The following PRKCA variants were observed in gnomAD, a reference collection of about 807,000 sequenced individuals.
The protein encoded by PRKCA is protein kinase C alpha, also known as protein kinase C alpha type.
PRKCA carries 27 observed loss-of-function variants against 87.0 expected under a neutral mutation model. The ratio of observed to expected loss-of-function variants is 0.31; its 90% confidence interval spans 0.23 to 0.43. The LOEUF is 0.43. Ranked by LOEUF, PRKCA falls within the 20% of genes least tolerant of loss-of-function variation. The probability of loss-of-function intolerance (pLI) is 1.00; values close to 1 mark genes in which losing one functional copy is unlikely to be tolerated. For missense variants in PRKCA, 518 were observed against 852.3 expected (o/e 0.61, Z 4.88); for synonymous variants, 329 against 311.1 (o/e 1.06, Z -0.61).
intron 2 of PRKCA, among the ~76,000 whole-genome samples, chr17:66,396,346 A>T (rs191676053): frequency 6.6e-6 from 1 of 152,206 alleles, no homozygotes; most frequent in East Asian, 1.9e-4. Context: ...CACTAGGCAA[A>T]ATTTTTCTAA....
At chr17:66,465,124 C>A (rs1216733165) in intron 2 of PRKCA, among the ~76,000 whole-genome samples, 1 of 152,136 alleles carries the variant, frequency 6.6e-6, no homozygotes, top group Admixed American at 6.5e-5. Context: ...GACTAGGAAA[C>A]TCTTTGACTA....
chr17:66,435,905 A>C (rs1200855862), intron 2 of PRKCA, among the ~76,000 whole-genome samples: 1 of 152,168 alleles, frequency 6.6e-6, no homozygotes, highest in Non-Finnish European at 1.5e-5. Flanking sequence ...TGAAGGACCC[A>C]TGCTCTGTTG....
At chr17:66,715,210 G>C (rs1252357903) in intron 8 of PRKCA, among the ~76,000 whole-genome samples, 2 of 151,870 alleles carry the variant, frequency 1.3e-5, no homozygotes, top group African/African-American at 4.8e-5. Flanking sequence ...TGGAGGGAAG[G>C]CTCTGGAACC....
At chr17:66,785,658 T>C (rs1975366017) in intron 14 of PRKCA, among the ~76,000 whole-genome samples, 1 of 152,192 alleles carries the variant, frequency 6.6e-6, no homozygotes, top group African/African-American at 2.4e-5. Flanking sequence ...TCAAAGGGCA[T>C]TGTGAGCTCA....
At position 66,810,034 on chromosome 17, in the gene PRKCA, G is replaced by C. The variant is rs1976130287; in HGVS notation, c.*5997G>C. 1 of 152,254 alleles carries C rather than the reference G, an allele frequency of 6.6e-6. No individual in the cohort carries two copies. 9.4% of individuals were successfully genotyped at this position (152,254 alleles called of 1,614,324 possible). On this transcript the variant is annotated 3_prime_UTR_variant, in exon 17 of 17. Coordinates refer to ENST00000413366, the MANE Select transcript of PRKCA (RefSeq NM_002737.3). ...AGAGGCAGCAGCAAACGTGCCTATT[G>C]ACGTCTGTTTCATAGTTACCACTTA...
chr17:66,431,936 C>T (rs1351172905), intron 2 of PRKCA, among the ~76,000 whole-genome samples: 1 of 152,156 alleles, frequency 6.6e-6, no homozygotes, highest in East Asian at 1.9e-4. Context: ...CCCCCGCATC[C>T]TAATTCTTTT....
At chr17:66,316,161 A>G (rs926207004) in intron 2 of PRKCA, among the ~76,000 whole-genome samples, 1 of 152,208 alleles carries the variant, frequency 6.6e-6, no homozygotes, top group African/African-American at 2.4e-5. Context: ...TTCCAGGAGT[A>G]GTAGACTGAG....
chr17:66,542,597 G>T (rs573433734), intron 3 of PRKCA, among the ~76,000 whole-genome samples: 1 of 152,234 alleles, frequency 6.6e-6, no homozygotes, highest in East Asian at 1.9e-4. Context: ...CTGAGTAGAG[G>T]TGTGGTGTCA....
chr17:66,559,549 C>T (rs895950174), intron 3 of PRKCA, among the ~76,000 whole-genome samples: 6 of 145,816 alleles, frequency 4.1e-5, no homozygotes, highest in African/African-American at 1.5e-4. Flanking sequence ...AACTCAGGCT[C>T]AGAGAGGTTT....
chr17:66,383,072 G>A (rs781324851), intron 2 of PRKCA, among the ~76,000 whole-genome samples: 3 of 125,664 alleles, frequency 2.4e-5, no homozygotes, highest in Non-Finnish European at 5.1e-5. Flanking sequence ...GAGTAATTTT[G>A]TAATTTTCAA....
chr17:66,794,972 T>C (rs142221867), intron 16 of PRKCA, among the ~76,000 whole-genome samples: 62 of 151,978 alleles, frequency 4.1e-4, no homozygotes, highest in Non-Finnish European at 6.2e-4. Context: ...ATCTGTTAGG[T>C]TGGAGCAAAA....
intron 3 of PRKCA, among the ~76,000 whole-genome samples, chr17:66,586,560 G>C (rs2143502448): frequency 6.6e-6 from 1 of 152,324 alleles, no homozygotes; most frequent in South Asian, 2.1e-4. Flanking sequence ...CCCTTTAGGA[G>C]TTAGTTTAAG....
chr17:66,558,891 C>T (rs1306128506), intron 3 of PRKCA, among the ~76,000 whole-genome samples: 2 of 152,106 alleles, frequency 1.3e-5, no homozygotes, highest in African/African-American at 2.4e-5. Context: ...TGATGACCCT[C>T]GGACCGGGCA....
At chr17:66,317,383 A>G (rs1422650832) in intron 2 of PRKCA, among the ~76,000 whole-genome samples, 2 of 152,170 alleles carry the variant, frequency 1.3e-5, no homozygotes, top group African/African-American at 4.8e-5. Flanking sequence ...TGAGAAATAC[A>G]AGTTTACATG....
chr17:66,603,958 A>G (rs1970131247), intron 3 of PRKCA, among the ~76,000 whole-genome samples: 1 of 152,140 alleles, frequency 6.6e-6, no homozygotes, highest in Admixed American at 6.5e-5. Flanking sequence ...ATTCAGTTTT[A>G]AGACTGAATA....
At chr17:66,614,890 A>G (rs1158014902) in intron 3 of PRKCA, among the ~76,000 whole-genome samples, 1 of 152,184 alleles carries the variant, frequency 6.6e-6, no homozygotes, top group Non-Finnish European at 1.5e-5. Context: ...ATGCAGCTGT[A>G]TACAGTACAA....
At chr17:66,476,086 G>T (rs1455791662) in intron 2 of PRKCA, among the ~76,000 whole-genome samples, 1 of 152,012 alleles carries the variant, frequency 6.6e-6, no homozygotes, top group African/African-American at 2.4e-5. Context: ...TTTTAGTAGA[G>T]GCAGAGTTTT....
intron 2 of PRKCA, among the ~76,000 whole-genome samples, chr17:66,444,956 C>T (rs1337314609): frequency 6.6e-6 from 1 of 152,200 alleles, no homozygotes; most frequent in Non-Finnish European, 1.5e-5. Context: ...CACACACACT[C>T]TCACACATAC....
chr17:66,450,696 A>T (rs1412777126), intron 2 of PRKCA, among the ~76,000 whole-genome samples: 2 of 152,128 alleles, frequency 1.3e-5, no homozygotes, highest in African/African-American at 2.4e-5. Context: ...AGTTTTGGGG[A>T]AGGGTAGGCG....
Sources: gnomAD v4.1 joint callset for allele counts (sites outside exome capture counted in the v4.1 genomes callset) on GRCh38, gnomAD v4.1.1 for gene constraint, MANE v1.5 for transcripts, NCBI Gene and HGNC (gene_info 2026-07-23, HGNC 2026-07-21) for gene names.